SGPL1: variants seen among roughly 807,000 people sequenced by gnomAD.
SGPL1 encodes the protein SP-lyase 1.
A neutral mutation model predicts 68.9 loss-of-function variants in SGPL1; 37 were observed. That is an observed-to-expected ratio of 0.54 (90% CI 0.41 to 0.71). The LOEUF is 0.71. Among genes scored for constraint, SGPL1 ranks in the 30% least tolerant of loss-of-function variants. SGPL1 has a pLI of 0.00. For missense variants in SGPL1, 551 were observed against 704.6 expected, an observed-to-expected ratio of 0.78 and a Z score of 2.47; for synonymous variants, 236 against 248.5, an observed-to-expected ratio of 0.95 and a Z score of 0.47.
chr10:70,816,494 G>A (rs1205404867), intron 1 of SGPL1, among the ~76,000 whole-genome samples: 3 of 152,178 alleles, frequency 2.0e-5, no homozygotes, highest in Non-Finnish European at 4.4e-5. Context: ...CCTTCAGCCC[G>A]GGTTAGGTGG....
intron 7 of SGPL1, among the ~76,000 whole-genome samples, chr10:70,861,630 GGGAGGTGT>G (rs1186433939): frequency 6.6e-6 from 1 of 152,220 alleles, no homozygotes; most frequent in Admixed American, 6.5e-5. Context: ...TCAGCTTGCA[GGGAGGTGT>G]GGAGGGAGAG....
chr10:70,872,981 G>T (rs1343261945), intron 11 of SGPL1, among the ~76,000 whole-genome samples: 1 of 152,190 alleles, frequency 6.6e-6, no homozygotes. Context: ...AACTTGAAGT[G>T]ACAAATTCCA....
chr10:70,876,970 C>G (rs554409833), intron 14 of SGPL1, among the ~76,000 whole-genome samples: 92 of 152,260 alleles, frequency 6.0e-4, no homozygotes, highest in East Asian at 3.9e-4. Flanking sequence ...CTGGAATTTT[C>G]TTAGGCTAGT....
At chr10:70,851,456 C>G (rs987528200) in intron 4 of SGPL1, among the ~76,000 whole-genome samples, 1 of 151,162 alleles carries the variant, frequency 6.6e-6, no homozygotes, top group Non-Finnish European at 1.5e-5. Flanking sequence ...ACAGGGCAGC[C>G]CCCCCCCACC....
At chr10:70,838,261 G>T (rs1004305765) in intron 2 of SGPL1, among the ~76,000 whole-genome samples, 6 of 152,184 alleles carry the variant, frequency 3.9e-5, no homozygotes, top group African/African-American at 1.4e-4. Context: ...GGTATAAATT[G>T]GTGCTGAAGT....
chr10:70,816,378 G>A (rs1216383263), intron 1 of SGPL1, among the ~76,000 whole-genome samples: 1 of 151,992 alleles, frequency 6.6e-6, no homozygotes, highest in Non-Finnish European at 1.5e-5. Flanking sequence ...GTAGGCATGG[G>A]CGGCCAGGAT....
At chr10:70,874,853 T>C (rs982932919) in intron 12 of SGPL1, among the ~76,000 whole-genome samples, 1 of 152,196 alleles carries the variant, frequency 6.6e-6, no homozygotes, top group Middle Eastern at 3.2e-3. Context: ...TACAGTGAGC[T>C]ATGATCACAC....
chr10:70,837,084 C>CT (rs111869565), intron 2 of SGPL1, among the ~76,000 whole-genome samples: 2,784 of 144,612 alleles, frequency 0.019, 62 homozygotes, highest in African/African-American at 0.056. Flanking sequence ...AAAGTTAATG[C>CT]TTTTTTTTTT....
intron 2 of SGPL1, among the ~76,000 whole-genome samples, chr10:70,817,192 G>A (rs1016115994): frequency 4.6e-5 from 7 of 152,056 alleles, no homozygotes; most frequent in African/African-American, 1.7e-4. Flanking sequence ...GCTAATTTTT[G>A]TATTTTTAGT....
chr10:70,869,258 T>G (rs1423017340), intron 8 of SGPL1: 1 of 152,362 alleles, frequency 6.6e-6, no homozygotes, highest in African/African-American at 2.4e-5. Flanking sequence ...TCAACACTAT[T>G]TGAAATACTA....
intron 8 of SGPL1, 130 bp from the exon 9 acceptor site, chr10:70,869,662 C>A (rs1589474273): frequency 1.4e-6 from 1 of 705,260 alleles, no homozygotes; most frequent in East Asian, 2.8e-5. Flanking sequence ...GTAGAGCAGT[C>A]TAAACACTTA....
Position 70,857,629 on chromosome 10 carries a change from A to T in SGPL1, c.425A>T (p.Glu142Val). Residue 142 changes from glutamate (E) to valine (V), a missense_variant, in exon 6 of 15, where the codon GAG (glutamate) becomes GTG (valine). Transcript: ENST00000373202. The stretch of plus-strand genomic sequence containing the variant: ...TTCTCTGCAGACGCCTTCTGGCAAG[A>T]GGGGAGAGCCTCTGGAACAGTGTAC... ...EYSSMDAFWQ[E>V]GRASGTVYSG... The T allele has an allele frequency of 2.5e-6, 4 of 1,613,360 alleles. No homozygotes were observed. The South Asian group carries it at 4.4e-5, about 18-fold the overall frequency.
At chr10:70,872,555 A>C (rs903511158) in intron 11 of SGPL1, among the ~76,000 whole-genome samples, 1 of 152,240 alleles carries the variant, frequency 6.6e-6, no homozygotes, top group African/African-American at 2.4e-5. Context: ...TATTGAATAT[A>C]CATCCAGATG....
At chr10:70,874,403 G>A (rs899565377) in intron 12 of SGPL1, among the ~76,000 whole-genome samples, 16 of 152,178 alleles carry the variant, frequency 1.1e-4, no homozygotes, top group African/African-American at 3.1e-4. Flanking sequence ...GCAACATAGT[G>A]AGACATTATC....
intron 4 of SGPL1, among the ~76,000 whole-genome samples, chr10:70,853,442 C>T (rs1345928904): frequency 6.6e-6 from 1 of 152,214 alleles, no homozygotes; most frequent in African/African-American, 2.4e-5. Context: ...AAACCTACTA[C>T]CCAAGAGCCT....
At chr10:70,869,626 C>A (rs1008605784) in intron 8 of SGPL1, among the ~76,000 whole-genome samples, 166 bp from the exon 9 acceptor site, 22 of 152,144 alleles carry the variant, frequency 1.4e-4, no homozygotes, top group African/African-American at 5.3e-4. Flanking sequence ...CAGTTGGCCT[C>A]TTTTTGGGTG....
chr10:70,824,243 C>T (rs1845392173), intron 2 of SGPL1, among the ~76,000 whole-genome samples: 1 of 138,792 alleles, frequency 7.2e-6, no homozygotes, highest in Non-Finnish European at 1.6e-5. Flanking sequence ...GCTCATGGGT[C>T]TTGTAATGAA....
rs551290469 is a variant in SGPL1 at position 70,850,627 on chromosome 10, A to C, written c.194-516A>C. Among the ~76,000 whole-genome samples, 97 of 152,326 alleles carry C rather than the reference A, an allele frequency of 6.4e-4. 1 individual carries two copies. Among genetic ancestry groups the C allele is most frequent in the African/African-American group, 2.2e-3 (90 of 41,580 alleles). On this transcript the variant is annotated intron_variant, in intron 3 of 14. Transcript: ENST00000373202. The stretch of plus-strand genomic sequence containing the variant: ...AGCATGATTTGTAATAGCAAATATT[A>C]GAAGCAACCTATATATCCATCATTA...
chr10:70,840,997 C>T (rs1316532748), intron 2 of SGPL1, among the ~76,000 whole-genome samples: 1 of 152,138 alleles, frequency 6.6e-6, no homozygotes, highest in Non-Finnish European at 1.5e-5. Flanking sequence ...AAAAGCTAAT[C>T]TGAATAATTG....
Sources: allele counts gnomAD v4.1 joint callset (sites outside exome capture counted in the v4.1 genomes callset), GRCh38; gene constraint gnomAD v4.1.1; transcripts MANE v1.5; gene names NCBI Gene and HGNC (gene_info 2026-07-23, HGNC 2026-07-21).